ATP13A5: variants seen among roughly 807,000 people sequenced by gnomAD.
The protein encoded by ATP13A5 is ATPase 13A5.
In ATP13A5, 149 loss-of-function variants were observed where a neutral mutation model predicts 150.2. The ratio of observed to expected loss-of-function variants is 0.99; its 90% CI spans 0.87 to 1.14. The LOEUF (loss-of-function observed/expected upper bound fraction) is 1.14. Among genes scored for constraint, ATP13A5 ranks in the 50% most tolerant of loss-of-function variants. ATP13A5 has a pLI of 0.00. For missense variants in ATP13A5, 1,383 were observed against 1,449.3 expected (o/e 0.95, Z 0.74); for synonymous variants, 497 against 522.2 (o/e 0.95, Z 0.66).
intron 19 of ATP13A5, among the ~76,000 whole-genome samples, chr3:193,312,355 T>C (rs6777665): frequency 6.6e-6 from 1 of 152,204 alleles, no homozygotes; most frequent in Non-Finnish European, 1.5e-5. Flanking sequence ...GTCTTCACTG[T>C]AAAGCAGGCA....
At chr3:193,351,266 A>C in intron 6 of ATP13A5, 65 bp from the exon 7 acceptor site, 21 of 1,565,540 alleles carry the variant, frequency 1.3e-5, no homozygotes, top group Non-Finnish European at 1.7e-5. Flanking sequence ...AGAAGATGTC[A>C]TTTCATTATC....
At chr3:193,279,215 C>T (rs980875873) in intron 28 of ATP13A5, 151 bp downstream of exon 28, 6 of 589,764 alleles carry the variant, frequency 1.0e-5, no homozygotes, top group Admixed American at 6.2e-5. Context: ...AGGTGAAATC[C>T]AGATATCTTA....
chr3:193,291,838 C>G (rs768714539), intron 25 of ATP13A5, among the ~76,000 whole-genome samples: 1 of 151,956 alleles, frequency 6.6e-6, no homozygotes, highest in Non-Finnish European at 1.5e-5. Context: ...GTTTGAGACC[C>G]CTAATAGACC....
intron 27 of ATP13A5, among the ~76,000 whole-genome samples, chr3:193,282,336 T>A (rs959790335): frequency 6.6e-6 from 1 of 152,190 alleles, no homozygotes; most frequent in African/African-American, 2.4e-5. Flanking sequence ...AATGGGAAAG[T>A]CATTCACAAT....
chr3:193,324,755 A>G (rs1422585569), intron 14 of ATP13A5, 109 bp downstream of exon 14: 4 of 1,252,012 alleles, frequency 3.2e-6, no homozygotes, highest in Non-Finnish European at 4.5e-6. Flanking sequence ...ACGCTTATAC[A>G]TACATTATTA....
chr3:193,284,225 G>C (rs772925494), intron 27 of ATP13A5, among the ~76,000 whole-genome samples: 2 of 151,656 alleles, frequency 1.3e-5, no homozygotes, highest in Non-Finnish European at 2.9e-5. Flanking sequence ...AGGTCTCACT[G>C]TGTTGCCCAG....
At chr3:193,294,209 C>A (rs1718075911) in intron 25 of ATP13A5, among the ~76,000 whole-genome samples, 1 of 148,986 alleles carries the variant, frequency 6.7e-6, no homozygotes, top group Non-Finnish European at 1.5e-5. Context: ...CACAAGGTGG[C>A]CACCTGGAAA....
intron 1 of ATP13A5, among the ~76,000 whole-genome samples, chr3:193,368,392 T>TTGTGTGTG (rs1286543236): frequency 0.086 from 12,727 of 147,242 alleles, 616 homozygotes; most frequent in African/African-American, 0.12. Flanking sequence ...CTCTTCAGAC[T>TTGTGTGTG]TGTGTGTGTG....
chr3:193,363,308 C>T lies in ATP13A5; in HGVS notation c.312G>A (p.Lys104=). Reference sequence around the variant, plus strand: ...CAGCCACCAGGGATTCTTCCCACTTCTTGCTTACAGGAAACTTCAGTGTGG... The same window carrying T: ...CAGCCACCAGGGATTCTTCCCACTTTTTGCTTACAGGAAACTTCAGTGTGG... ...YLSTLKFPVS[K]KWEESLVADR... The change falls in exon 3 of 30, where the codon AAG becomes AAA. Residue 104 remains lysine, a synonymous_variant. Transcript: ENST00000342358. 1 of 1,613,972 alleles carries T rather than the reference C, an allele frequency of 6.2e-7. No homozygotes were observed. Among genetic ancestry groups the T allele is most frequent in the South Asian group, 1.1e-5 (1 of 91,068 alleles).
At chr3:193,314,618 G>C (rs190185497) in intron 18 of ATP13A5, among the ~76,000 whole-genome samples, 1 of 152,220 alleles carries the variant, frequency 6.6e-6, no homozygotes, top group African/African-American at 2.4e-5. Flanking sequence ...TGGCCCTACT[G>C]CCCTAGAGGA....
chr3:193,330,160 C>A (rs1405257590), intron 12 of ATP13A5, among the ~76,000 whole-genome samples: 1 of 152,170 alleles, frequency 6.6e-6, no homozygotes, highest in Non-Finnish European at 1.5e-5. Context: ...TTCTTTCTAA[C>A]AACCAAGGCT....
At position 193,344,994 on chromosome 3, in the gene ATP13A5, A is replaced by G. The variant is rs1712278975; in HGVS notation, c.814+9T>C. 6.2e-7 allele frequency: 1 copy of G among 1,611,530 alleles called. No homozygotes were observed. Among genetic ancestry groups the G allele is most frequent in the East Asian group, 2.2e-5 (1 of 44,862 alleles). ...TAAGATGCTGAAGATGGCCTAACAC[A>G]TCACTTACCTTTGTCTTTTACAATG... On this transcript the variant is annotated intron_variant, in intron 8 of 29. Coordinates refer to ENST00000342358, the MANE Select transcript of ATP13A5 (RefSeq NM_198505.4).
At position 193,374,408 on chromosome 3, in the gene ATP13A5, C is replaced by T. The variant is rs185394429; in HGVS notation, c.63+4255G>A. On this transcript the variant is annotated intron_variant, in intron 1 of 29. Coordinates refer to ENST00000342358, the MANE Select transcript of ATP13A5 (RefSeq NM_198505.4). ...CTATAATCCCAGCATTTTAGGAGTT[C>T]GAGGCAGGAACATCACTTGAGCCCA... is the stretch of plus-strand genomic sequence containing the variant. Among the ~76,000 whole-genome samples, 743 of 151,614 alleles carry T rather than the reference C, an allele frequency of 4.9e-3. 3 individuals carry two copies. Among genetic ancestry groups the T allele is most frequent in the South Asian group, 0.011 (54 of 4,802 alleles).
intron 1 of ATP13A5, among the ~76,000 whole-genome samples, chr3:193,367,520 T>C (rs536671130): frequency 6.6e-6 from 1 of 152,102 alleles, no homozygotes; most frequent in Non-Finnish European, 1.5e-5. Flanking sequence ...CTGATAAATA[T>C]GTTGCAAGCA....
intron 21 of ATP13A5, among the ~76,000 whole-genome samples, chr3:193,309,222 T>C (rs2108849019): frequency 6.6e-6 from 1 of 152,328 alleles, no homozygotes; most frequent in African/African-American, 2.4e-5. Context: ...CTCTTGACTT[T>C]CCCTGCTGGG....
intron 1 of ATP13A5, among the ~76,000 whole-genome samples, chr3:193,366,340 A>G (rs1288978667): frequency 6.6e-6 from 1 of 152,056 alleles, no homozygotes; most frequent in African/African-American, 2.4e-5. Context: ...CCTATCGTAT[A>G]CTATTTACAA....
chr3:193,361,910 C>T (rs1056524502), intron 5 of ATP13A5, among the ~76,000 whole-genome samples: 1 of 152,108 alleles, frequency 6.6e-6, no homozygotes, highest in Non-Finnish European at 1.5e-5. Context: ...ATGTATTGAG[C>T]TCCTACCAAA....
At chr3:193,350,662 C>T (rs1038716) in intron 7 of ATP13A5, among the ~76,000 whole-genome samples, 81,865 of 151,440 alleles carry the variant, frequency 0.54, 22,293 homozygotes, top group African/African-American at 0.61. Context: ...ACCTATAGAA[C>T]AAATACAATA....
intron 29 of ATP13A5, 122 bp from the exon 30 acceptor site, chr3:193,275,424 C>A (rs1406211141): frequency 9.0e-7 from 1 of 1,111,738 alleles, no homozygotes. Flanking sequence ...ATTGCTGTTG[C>A]ATCTACCTCT....
Sources: gnomAD v4.1 joint callset for allele counts (sites outside exome capture counted in the v4.1 genomes callset) on GRCh38, gnomAD v4.1.1 for gene constraint, MANE v1.5 for transcripts, NCBI Gene and HGNC (gene_info 2026-07-23, HGNC 2026-07-21) for gene names.